The following THSD4 variants were observed in gnomAD, a reference collection of about 807,000 sequenced individuals.
The protein encoded by THSD4 is thrombospondin type-1 domain-containing protein 4.
Under a neutral mutation model 119.0 loss-of-function variants are expected in THSD4, and 69 were observed. The observed-to-expected ratio is 0.58, with a 90% confidence interval of 0.48 to 0.71. The LOEUF is 0.71. Ranked by LOEUF, THSD4 falls within the 30% of genes least tolerant of loss-of-function variation. THSD4 has a pLI of 0.00. For missense variants in THSD4, 1,393 were observed against 1,391.1 expected, an observed-to-expected ratio of 1.00 and a Z score of -0.02; for synonymous variants, 524 against 540.4, an observed-to-expected ratio of 0.97 and a Z score of 0.42.
At chr15:71,155,676 C>A (rs946593523) in intron 3 of THSD4, among the ~76,000 whole-genome samples, 7 of 152,160 alleles carry the variant, frequency 4.6e-5, no homozygotes, top group Non-Finnish European at 5.9e-5. Context: ...TCTCTTGGGG[C>A]ACCTTCAAGG....
intron 6 of THSD4, among the ~76,000 whole-genome samples, chr15:71,312,344 T>G: frequency 1.4e-5 from 2 of 147,602 alleles, no homozygotes; most frequent in Non-Finnish European, 1.5e-5. Context: ...GGGGGTGGAG[T>G]GGGGAGTGGG....
intron 8 of THSD4, 41 bp downstream of exon 8, chr15:71,660,775 C>T (rs771091265): frequency 6.2e-7 from 1 of 1,605,512 alleles, no homozygotes; most frequent in Non-Finnish European, 8.5e-7. Context: ...TCTGTCCCTG[C>T]CAGATGATGT....
At chr15:71,339,649 C>T (rs2045537811) in intron 6 of THSD4, among the ~76,000 whole-genome samples, 1 of 152,058 alleles carries the variant, frequency 6.6e-6, no homozygotes, top group Non-Finnish European at 1.5e-5. Context: ...TTCTTAATTG[C>T]CCTGTGCCTC....
Position 71,417,383 on chromosome 15 carries a change from G to A in THSD4, c.1152+5560G>A, listed in dbSNP as rs566323237. ...ATAGTTTGAGGTCTTAGATTTAAGT[G>A]TTTAATCCATTTTGGTTTGATTTTT... On this transcript the variant is annotated intron_variant, in intron 7 of 17. Transcript: ENST00000261862. 3.4e-3 allele frequency among the ~76,000 whole-genome samples: 366 copies of A among 108,138 alleles called. 102 individuals are homozygous for A. The highest frequency in any genetic ancestry group is 0.011 in the African/African-American group (358 of 31,840). The allele number at this position is 108,138 out of a possible 152,430, so 70.9% of individuals were successfully genotyped here.
chr15:71,303,363 T>A (rs2140340124), intron 6 of THSD4, among the ~76,000 whole-genome samples: 1 of 152,244 alleles, frequency 6.6e-6, no homozygotes. Flanking sequence ...TTTTTACAGA[T>A]CTCTGGCAGA....
At chr15:71,298,279 C>A (rs1442508979) in intron 6 of THSD4, among the ~76,000 whole-genome samples, 2 of 152,164 alleles carry the variant, frequency 1.3e-5, no homozygotes, top group Non-Finnish European at 2.9e-5. Flanking sequence ...ACTCTCAATT[C>A]TATTTCATTA....
intron 7 of THSD4, among the ~76,000 whole-genome samples, chr15:71,635,086 T>C (rs927729848): frequency 2.0e-5 from 3 of 152,218 alleles, no homozygotes; most frequent in Non-Finnish European, 4.4e-5. Context: ...TCAGCAAATA[T>C]GCATCGGTCA....
chr15:71,613,070 AATGC>A (rs1460427063), intron 7 of THSD4, among the ~76,000 whole-genome samples: 2 of 152,304 alleles, frequency 1.3e-5, no homozygotes, highest in East Asian at 3.9e-4. Context: ...TGGAAAAGCA[AATGC>A]ATTTTCATTT....
chr15:71,737,908 G>C lies in THSD4; in HGVS notation c.1807G>C (p.Asp603His), dbSNP rs2053149347. 1 of 1,614,130 alleles carries C rather than the reference G, an allele frequency of 6.2e-7. No individual in the cohort carries two copies. Among genetic ancestry groups the C allele is most frequent in the South Asian group, 1.1e-5 (1 of 91,094 alleles). ...AGACAGATTTTCTCCCCATCGACCGGACAACTTGGTGCCACCAGCACCGCA... is the reference window on the plus strand; with the variant it reads ...AGACAGATTTTCTCCCCATCGACCGCACAACTTGGTGCCACCAGCACCGCA... ...HPDRFSPHRP[D>H]NLVPPAPQPP... The change falls in exon 11 of 18, where the codon GAC (aspartate) becomes CAC (histidine). Residue 603 changes from aspartate (D) to histidine (H), a missense_variant. By Grantham distance (81) the Asp-to-His change is moderately conservative. Coordinates refer to ENST00000261862, the MANE Select transcript of THSD4 (RefSeq NM_024817.3).
chr15:71,724,061 C>A (rs1415183566), intron 8 of THSD4, among the ~76,000 whole-genome samples: 14 of 59,774 alleles, frequency 2.3e-4, no homozygotes, highest in South Asian at 9.8e-4. Flanking sequence ...AAAACCTTGT[C>A]TTTATTTAAA....
intron 7 of THSD4, among the ~76,000 whole-genome samples, chr15:71,525,871 T>G (rs2048510654): frequency 6.6e-6 from 1 of 152,186 alleles, no homozygotes; most frequent in South Asian, 2.1e-4. Flanking sequence ...ACTCACCACC[T>G]TTCCCATTCC....
chr15:71,284,330 A>G (rs2044689650), intron 6 of THSD4, among the ~76,000 whole-genome samples: 1 of 152,224 alleles, frequency 6.6e-6, no homozygotes, highest in African/African-American at 2.4e-5. Flanking sequence ...TTCTGGGTCC[A>G]GGCAGCCTCT....
rs28684474 is a variant in THSD4 at position 71,710,106 on chromosome 15, G to A, written c.1358-18443G>A. ...TTCAAGCTCTTTCCCATCCTGAGGG[G>A]GCTGAGTCAATGCTCCAAAGTGGAA... On this transcript the variant is annotated intron_variant, in intron 8 of 17. Coordinates refer to ENST00000261862, the MANE Select transcript of THSD4 (RefSeq NM_024817.3). Among the ~76,000 whole-genome samples the A allele has an allele frequency of 9.2e-5, 14 of 152,334 alleles. No individual in the cohort carries two copies. The South Asian group carries it at 1.2e-3, about 14-fold the overall frequency.
At chr15:71,561,909 CACACACACACAA>C (rs1164388017) in intron 7 of THSD4, among the ~76,000 whole-genome samples, 658 of 39,004 alleles carry the variant, frequency 0.017, 15 homozygotes, top group African/African-American at 0.075. Flanking sequence ...CACACACACA[CACACACACACAA>C]ACACTCACTC....
chr15:71,473,295 C>T (rs1053329075), intron 7 of THSD4, among the ~76,000 whole-genome samples: 4 of 152,130 alleles, frequency 2.6e-5, no homozygotes, highest in African/African-American at 9.7e-5. Context: ...TGGGCTCAAA[C>T]AATCCACCCG....
intron 6 of THSD4, among the ~76,000 whole-genome samples, chr15:71,376,530 C>A (rs1421200892): frequency 1.3e-5 from 2 of 152,192 alleles, no homozygotes; most frequent in African/African-American, 4.8e-5. Flanking sequence ...GTGGTTGGGT[C>A]AGATCATTTG....
intron 7 of THSD4, among the ~76,000 whole-genome samples, chr15:71,651,915 T>A (rs1048815722): frequency 6.6e-6 from 1 of 152,190 alleles, no homozygotes; most frequent in Non-Finnish European, 1.5e-5. Flanking sequence ...CATTTGGCTG[T>A]GTGTTAAGGA....
chr15:71,454,471 C>T (rs903440512), intron 7 of THSD4, among the ~76,000 whole-genome samples: 3 of 152,212 alleles, frequency 2.0e-5, no homozygotes, highest in African/African-American at 7.2e-5. Flanking sequence ...TGGCCTGGCC[C>T]CTCTCCCAGC....
At chr15:71,246,486 T>C (rs1415304888) in intron 5 of THSD4, among the ~76,000 whole-genome samples, 1 of 152,216 alleles carries the variant, frequency 6.6e-6, no homozygotes, top group Non-Finnish European at 1.5e-5. Context: ...ACAATTCAGC[T>C]GTGATTTAGT....
Sources: allele counts gnomAD v4.1 joint callset (sites outside exome capture counted in the v4.1 genomes callset), GRCh38; gene constraint gnomAD v4.1.1; transcripts MANE v1.5; gene names NCBI Gene and HGNC (gene_info 2026-07-23, HGNC 2026-07-21).